CTH: variants seen among roughly 807,000 people sequenced by gnomAD.
CTH encodes cystathionine gamma-lyase.
Under a neutral mutation model 50.6 loss-of-function variants are expected in CTH, and 41 were observed. That is an observed-to-expected ratio of 0.81 (90% confidence interval 0.63 to 1.05). CTH has a LOEUF of 1.05. Ranked by LOEUF, CTH falls within the 50% of genes least tolerant of loss-of-function variation. The pLI, the probability that CTH is intolerant of heterozygous loss-of-function variation, is 0.00. For synonymous variants in CTH, 156 were observed against 168.9 expected, an observed-to-expected ratio of 0.92 and a Z score of 0.59; for missense variants, 470 against 492.6, an observed-to-expected ratio of 0.95 and a Z score of 0.43.
chr1:70,433,501 T>G (rs1684526093), intron 8 of CTH, among the ~76,000 whole-genome samples: 1 of 152,152 alleles, frequency 6.6e-6, no homozygotes, highest in African/African-American at 2.4e-5. Context: ...ATGGAGCAAC[T>G]CTGGTGGCTA....
At chr1:70,429,888 A>G (rs751831301) in intron 6 of CTH, 37 bp downstream of exon 6, 2 of 1,470,006 alleles carry the variant, frequency 1.4e-6, no homozygotes, top group South Asian at 1.1e-5. Context: ...TTTCATGGAT[A>G]GGTGAAAATT....
intron 4 of CTH, 43 bp downstream of exon 4, chr1:70,421,718 G>A (rs781694203): frequency 6.3e-7 from 1 of 1,583,598 alleles, no homozygotes; most frequent in Non-Finnish European, 8.7e-7. Flanking sequence ...TTCCTTCGAT[G>A]TTTTGTTTTC....
intron 4 of CTH, among the ~76,000 whole-genome samples, chr1:70,423,354 T>C (rs746676581): frequency 6.6e-6 from 1 of 151,706 alleles, no homozygotes; most frequent in Non-Finnish European, 1.5e-5. Context: ...GGAGGATCAC[T>C]TGAACCAGGA....
chr1:70,423,793 T>A (rs535112), intron 4 of CTH, among the ~76,000 whole-genome samples: 54,156 of 151,948 alleles, frequency 0.36, 9,838 homozygotes, highest in Middle Eastern at 0.52. Context: ...GCTCTTCAAG[T>A]CTTAGATACT....
chr1:70,433,773 C>A (rs188505821), intron 8 of CTH, 55 bp from the exon 9 acceptor site: 60 of 1,610,462 alleles, frequency 3.7e-5, no homozygotes, highest in South Asian at 1.1e-4. Flanking sequence ...CCCTCCCCCC[C>A]CAAAAATTAC....
Position 70,432,079 on chromosome 1 carries a change from G to A in CTH, c.725-4G>A. ...AACTTATCCAGGATGTGTTCATTTT[G>A]CAGCTCTTGGAGCAGTTCCATCTCC... On this transcript the variant is annotated splice_polypyrimidine_tract_variant and splice_region_variant and intron_variant, in intron 7 of 11. Transcript: ENST00000370938. 6.2e-7 allele frequency: 1 copy of A among 1,613,898 alleles called. No homozygotes were observed.
chr1:70,415,512 C>A (rs978602614), intron 1 of CTH, among the ~76,000 whole-genome samples: 1 of 152,012 alleles, frequency 6.6e-6, no homozygotes, highest in Non-Finnish European at 1.5e-5. Context: ...CCTAATGTTT[C>A]CAGATTAATG....
chr1:70,434,303 C>T (rs928253709), intron 9 of CTH, among the ~76,000 whole-genome samples: 1 of 152,178 alleles, frequency 6.6e-6, no homozygotes, highest in Non-Finnish European at 1.5e-5. Context: ...CTGTGAATGG[C>T]TTTCCAAACC....
At position 70,433,923 on chromosome 1, in the gene CTH, G is replaced by A; in HGVS notation, c.973G>A (p.Ala325Thr). ...TTATATTAAGGGCACTCTTCAGCAT[G>A]CTGAGATTTTCCTCAAGAACCTAAA... ...TFYIKGTLQH[A>T]EIFLKNLKLF... The change falls in exon 9 of 12, where the codon GCT (alanine) becomes ACT (threonine). Residue 325 changes from alanine to threonine, a missense_variant. By Grantham distance (58) the Ala-to-Thr change is moderately conservative (BLOSUM62 0). Coordinates refer to ENST00000370938, the MANE Select transcript of CTH (RefSeq NM_001902.6). The A allele has an allele frequency of 6.2e-7, 1 of 1,614,064 alleles. No homozygotes were observed. The highest frequency in any genetic ancestry group is 1.3e-5 in the African/African-American group (1 of 75,036).
intron 4 of CTH, among the ~76,000 whole-genome samples, chr1:70,423,265 A>G (rs1257168848): frequency 6.6e-6 from 1 of 151,960 alleles, no homozygotes; most frequent in Admixed American, 6.6e-5. Flanking sequence ...TGCCCATTTA[A>G]ATAACAGGTA....
chr1:70,436,470 A>G (rs1384296625), intron 10 of CTH, among the ~76,000 whole-genome samples: 1 of 152,218 alleles, frequency 6.6e-6, no homozygotes, highest in Non-Finnish European at 1.5e-5. Flanking sequence ...TTAAGTCAAC[A>G]TCATAACCTA....
In CTH at chr1:70,411,430, C is replaced by A. The variant is rs143859234; in HGVS notation, c.15C>A (p.Asp5Glu). MQEK[D>E]ASSQGFLPHF... ...CGCGGTTCAGCATGCAGGAAAAAGA[C>A]GCCTCCTCACAAGGTTTCCTGCCAC... Residue 5 changes from aspartate (D) to glutamate (E), a missense_variant, in exon 1 of 12, where the codon GAC becomes GAA. Asp to Glu is a conservative substitution (Grantham distance 45). Transcript: ENST00000370938. 364 of 1,614,018 alleles carry A rather than the reference C, an allele frequency of 2.3e-4. No individual in the cohort carries two copies. The highest frequency in any genetic ancestry group is 1.0e-3 in the Admixed American group (62 of 60,018).
At chr1:70,429,057 A>C (rs1404559192) in intron 5 of CTH, among the ~76,000 whole-genome samples, 2 of 152,154 alleles carry the variant, frequency 1.3e-5, no homozygotes, top group Non-Finnish European at 2.9e-5. Flanking sequence ...AATTGCTGGG[A>C]TTACAGGAGT....
intron 9 of CTH, 28 bp from the exon 10 acceptor site, chr1:70,435,097 A>C: frequency 6.5e-7 from 1 of 1,544,236 alleles, no homozygotes; most frequent in Non-Finnish European, 8.9e-7. Flanking sequence ...TTACTAGAAA[A>C]TCTAAATTCA....
intron 8 of CTH, 131 bp from the exon 9 acceptor site, chr1:70,433,697 G>C: frequency 7.1e-7 from 1 of 1,401,964 alleles, no homozygotes; most frequent in South Asian, 1.2e-5. Flanking sequence ...CAAGTAGTCA[G>C]ATGTGAGCAT....
At position 70,430,363 on chromosome 1, in the gene CTH, C is replaced by A. The variant is rs199705882; in HGVS notation, c.693C>A (p.Ser231Arg). The A allele has an allele frequency of 1.3e-6, 2 of 1,599,326 alleles. No individual in the cohort carries two copies. Residue 231 changes from serine (S) to arginine (R), a missense_variant, in exon 7 of 12, where the codon AGC (serine) becomes AGA (arginine). Ser to Arg is a moderately radical substitution (Grantham distance 110, BLOSUM62 -1). Transcript: ENST00000370938. ...GCCTGGTGTCTGTTAATTGTGAAAG[C>A]CTTCATAATAGACTTCGTTTCTTGC... ...VMGLVSVNCESLHNRLRFLQN... is the reference protein window; with the variant it reads ...VMGLVSVNCERLHNRLRFLQN...
In CTH at chr1:70,439,233, T is replaced by C. The variant is rs1684667865; in HGVS notation, c.*106T>C. On this transcript the variant is annotated 3_prime_UTR_variant, in exon 12 of 12. Coordinates refer to ENST00000370938, the MANE Select transcript of CTH (RefSeq NM_001902.6). ...TTGCAAAATTTTCAAGCGGAAATTT[T>C]AAGGCACCTCATTATCTTTCATAAC... 9.9e-7 allele frequency: 1 copy of C among 1,005,482 alleles called. No homozygotes were observed. Among genetic ancestry groups the C allele is most frequent in the Admixed American group, 1.7e-5 (1 of 57,634 alleles). The allele number at this position is 1,005,482 out of a possible 1,614,324, so 62.3% of individuals were successfully genotyped here. A position where few individuals can be genotyped will look rare whatever the true frequency, so the allele number is the denominator to read the frequency against.
chr1:70,423,229 G>A (rs1684266644), intron 4 of CTH, among the ~76,000 whole-genome samples: 1 of 151,814 alleles, frequency 6.6e-6, no homozygotes. Context: ...AAACTCTAAA[G>A]TCAGAAGAGT....
At chr1:70,435,043 G>T in intron 9 of CTH, 82 bp from the exon 10 acceptor site, 1 of 1,338,718 alleles carries the variant, frequency 7.5e-7, no homozygotes, top group Non-Finnish European at 1.0e-6. Context: ...GAGCCACTGT[G>T]CCTGGCCTAA....
Sources: allele counts gnomAD v4.1 joint callset (sites outside exome capture counted in the v4.1 genomes callset), GRCh38; gene constraint gnomAD v4.1.1; transcripts MANE v1.5; gene names NCBI Gene and HGNC (gene_info 2026-07-23, HGNC 2026-07-21).